NAV3: variants seen among roughly 807,000 people sequenced by gnomAD.
The protein encoded by NAV3 is pore membrane and/or filament interacting like protein 1.
NAV3 carries 87 observed loss-of-function variants against 244.7 expected under a neutral mutation model. The ratio of observed to expected loss-of-function variants is 0.36; its 90% confidence interval spans 0.30 to 0.42. NAV3 has a LOEUF of 0.42. Among genes scored for constraint, NAV3 ranks in the 20% least tolerant of loss-of-function variants. The pLI, the probability that NAV3 is intolerant of heterozygous loss-of-function variation, is 1.00. For missense variants in NAV3, 2,663 were observed against 2,893.3 expected, an observed-to-expected ratio of 0.92 and a Z score of 1.83; for synonymous variants, 1,126 against 1,042.2, an observed-to-expected ratio of 1.08 and a Z score of -1.55.
rs2137262303 is a variant in NAV3, at chr12:78,051,093, T to A, written c.2462T>A (p.Met821Lys). The change falls in exon 11 of 40, where the codon ATG becomes AAG. Residue 821 changes from methionine to lysine, a missense_variant. Coordinates refer to ENST00000397909, the MANE Select transcript of NAV3 (RefSeq NM_001024383.2). ...TCTGAGGTCGATGTGGGTGGATATA[T>A]GAGTGATGGTGATATCCTTGGGAAA... ...MSSEVDVGGY[M>K]SDGDILGKSL... 6.2e-7 allele frequency: 1 copy of A among 1,613,804 alleles called. No homozygotes were observed.
intron 38 of NAV3, 124 bp from the exon 39 acceptor site, chr12:78,204,807 ATACT>A: frequency 1.3e-6 from 1 of 741,174 alleles, no homozygotes; most frequent in Admixed American, 2.7e-5. Context: ...CTGTATACAG[ATACT>A]TAATTCTCTT....
chr12:77,732,218 A>G (rs1877155115), intron 2 of NAV3, among the ~76,000 whole-genome samples: 1 of 151,956 alleles, frequency 6.6e-6, no homozygotes, highest in African/African-American at 2.4e-5. Flanking sequence ...GGGGCTGTTT[A>G]TCTGTTGGTG....
At chr12:77,898,324 C>T (rs1302013516) in intron 1 of NAV3, among the ~76,000 whole-genome samples, 1 of 151,670 alleles carries the variant, frequency 6.6e-6, no homozygotes, top group Non-Finnish European at 1.5e-5. Context: ...TTCAAATTGG[C>T]AAAAATGTAG....
At chr12:77,961,901 C>T (rs1364757945) in intron 3 of NAV3, among the ~76,000 whole-genome samples, 2 of 151,530 alleles carry the variant, frequency 1.3e-5, no homozygotes, top group African/African-American at 2.4e-5. Context: ...ATGATATATA[C>T]TTTAATATTT....
At chr12:77,800,115 A>G (rs1016042082) in intron 2 of NAV3, among the ~76,000 whole-genome samples, 1 of 152,188 alleles carries the variant, frequency 6.6e-6, no homozygotes, top group African/African-American at 2.4e-5. Flanking sequence ...TCATCCTGTC[A>G]TGGAACATCA....
intron 23 of NAV3, among the ~76,000 whole-genome samples, chr12:78,165,630 C>T (rs1269856332): frequency 6.6e-6 from 1 of 151,548 alleles, no homozygotes; most frequent in African/African-American, 2.4e-5. Context: ...ATCTGAAGGC[C>T]ACATTACAAT....
chr12:78,029,065 T>A (rs1248810878), intron 9 of NAV3, among the ~76,000 whole-genome samples: 3 of 151,956 alleles, frequency 2.0e-5, no homozygotes, highest in Non-Finnish European at 4.4e-5. Flanking sequence ...TGTACCTGCC[T>A]GGCACAGCCT....
rs1477313918 is a variant in NAV3, at chr12:77,635,240, G to A, written c.72+62974G>A. ...AAGATTCTGTCTCAAAAAAAAAAAA[G>A]AGAGAAATGTGGTCTTGCTATATTG... On this transcript the variant is annotated intron_variant, in intron 2 of 8. Coordinates refer to the NAV3 transcript ENST00000550042. Among the ~76,000 whole-genome samples the A allele has an allele frequency of 5.3e-5, 8 of 150,970 alleles. No homozygotes were observed. In the South Asian group the frequency reaches 1.7e-3, roughly 32 times the overall value.
intron 2 of NAV3, among the ~76,000 whole-genome samples, chr12:77,626,881 C>T (rs1470108177): frequency 6.6e-6 from 1 of 152,056 alleles, no homozygotes; most frequent in African/African-American, 2.4e-5. Context: ...ATAAAACTCA[C>T]TAGTAGAACT....
chr12:77,867,214 A>G (rs554164027), intron 1 of NAV3, among the ~76,000 whole-genome samples: 9 of 152,272 alleles, frequency 5.9e-5, no homozygotes, highest in Non-Finnish European at 1.3e-4. Flanking sequence ...GTGGTTGTTA[A>G]TAAGTCTCAT....
chr12:78,137,900 A>G (rs1565707302), intron 19 of NAV3, among the ~76,000 whole-genome samples: 1 of 152,106 alleles, frequency 6.6e-6, no homozygotes, highest in Non-Finnish European at 1.5e-5. Flanking sequence ...AAATATCTTT[A>G]TAGTTATATA....
At chr12:77,677,510 T>C (rs1026922431) in intron 2 of NAV3, among the ~76,000 whole-genome samples, 1 of 152,210 alleles carries the variant, frequency 6.6e-6, no homozygotes, top group African/African-American at 2.4e-5. Flanking sequence ...CAGCAAATTA[T>C]GTATCTTGTC....
At chr12:77,731,872 T>C (rs1448989310) in intron 2 of NAV3, among the ~76,000 whole-genome samples, 1 of 151,946 alleles carries the variant, frequency 6.6e-6, no homozygotes, top group East Asian at 1.9e-4. Context: ...TGTAGCACAA[T>C]TGCAGCAAGA....
At chr12:78,162,407 G>A (rs1290558008) in intron 23 of NAV3, among the ~76,000 whole-genome samples, 2 of 151,740 alleles carry the variant, frequency 1.3e-5, no homozygotes, top group African/African-American at 4.8e-5. Flanking sequence ...GATAGATATA[G>A]GTCTATATCT....
At chr12:77,707,802 C>T (rs1875898637) in intron 2 of NAV3, among the ~76,000 whole-genome samples, 1 of 152,188 alleles carries the variant, frequency 6.6e-6, no homozygotes, top group East Asian at 1.9e-4. Context: ...TTGCATTTCT[C>T]CGATGGCCAG....
chr12:77,778,808 G>C (rs907195987), intron 2 of NAV3, among the ~76,000 whole-genome samples: 2 of 151,974 alleles, frequency 1.3e-5, no homozygotes, highest in Non-Finnish European at 2.9e-5. Flanking sequence ...ATTCTCTTTG[G>C]TAAAAGGCAG....
chr12:77,586,760 G>A (rs2136698691), intron 2 of NAV3, among the ~76,000 whole-genome samples: 1 of 152,258 alleles, frequency 6.6e-6, no homozygotes, highest in African/African-American at 2.4e-5. Context: ...TTCTTCAGTT[G>A]CACTAGCTGT....
rs909098707 is a variant in NAV3 at position 78,154,150 on chromosome 12, A to G, written c.4786-5053A>G. On this transcript the variant is annotated intron_variant, in intron 22 of 39. Coordinates refer to ENST00000397909, the MANE Select transcript of NAV3 (RefSeq NM_001024383.2). Reference sequence around the variant, plus strand: ...TATATGTGTGTGTGTGTATATATGTATATATATATATACCTTCATAACATA... The same window carrying G: ...TATATGTGTGTGTGTGTATATATGTGTATATATATATACCTTCATAACATA... Among the ~76,000 whole-genome samples the G allele has an allele frequency of 2.2e-5, 3 of 138,938 alleles. No homozygotes were observed. In the Admixed American group the frequency reaches 2.3e-4, roughly 11 times the overall value. The allele number at this position is 138,938 out of a possible 152,430, so 91.1% of individuals were successfully genotyped here. A position where few individuals can be genotyped will look rare whatever the true frequency, so the allele number is the denominator to read the frequency against.
At chr12:78,020,854 G>T (rs550395493) in intron 8 of NAV3, among the ~76,000 whole-genome samples, 2 of 151,888 alleles carry the variant, frequency 1.3e-5, no homozygotes, top group African/African-American at 4.8e-5. Context: ...GAAAAAAAAA[G>T]GGTAGAAGTA....
Sources: gnomAD v4.1 joint callset for allele counts (sites outside exome capture counted in the v4.1 genomes callset) on GRCh38, gnomAD v4.1.1 for gene constraint, MANE v1.5 for transcripts, NCBI Gene and HGNC (gene_info 2026-07-23, HGNC 2026-07-21) for gene names.